Variants in PCDHA4 observed in about 807,000 individuals in gnomAD.
The protein encoded by PCDHA4 is protocadherin alpha-4.
Under a neutral mutation model 61.4 loss-of-function variants are expected in PCDHA4, and 49 were observed. That is an observed-to-expected ratio of 0.80 (90% confidence interval 0.63 to 1.01). The LOEUF (loss-of-function observed/expected upper bound fraction) is 1.01. PCDHA4 is among the 50% of genes least tolerant of loss of function. The pLI, the probability that PCDHA4 is intolerant of heterozygous loss-of-function variation, is 0.00. For missense variants in PCDHA4, 1,254 were observed against 1,235.8 expected (o/e 1.01, Z -0.22); for synonymous variants, 590 against 550.3 (o/e 1.07, Z -1.01).
intron 1 of PCDHA4, among the ~76,000 whole-genome samples, chr5:140,977,960 A>G (rs760810328): frequency 9.2e-5 from 14 of 152,142 alleles, no homozygotes; most frequent in Non-Finnish European, 1.3e-4. Flanking sequence ...GGCCACCTCA[A>G]TCTCCGCCCA....
chr5:140,829,869 A>T (rs2150176630), intron 1 of PCDHA4: 1 of 1,613,902 alleles, frequency 6.2e-7, no homozygotes, highest in South Asian at 1.1e-5. Flanking sequence ...GTGGTGGCGA[A>T]GGTGCGCGCA....
chr5:140,926,757 A>T, intron 1 of PCDHA4: 1 of 1,278,278 alleles, frequency 7.8e-7, no homozygotes, highest in Non-Finnish European at 1.0e-6. Flanking sequence ...GCGGTCGCTG[A>T]GTATCCAGCC....
chr5:140,973,894 G>A (rs1161980569), intron 1 of PCDHA4, among the ~76,000 whole-genome samples: 1 of 152,194 alleles, frequency 6.6e-6, no homozygotes, highest in African/African-American at 2.4e-5. Flanking sequence ...ATTTGCAAAT[G>A]TTTGAGGAAA....
intron 1 of PCDHA4, chr5:140,834,892 A>G (rs2150228741): frequency 1.2e-6 from 2 of 1,604,044 alleles, no homozygotes; most frequent in African/African-American, 2.7e-5. Flanking sequence ...CTGCTCACTT[A>G]CAGACTGAGC....
chr5:141,002,973 G>A (rs1313247449), intron 3 of PCDHA4, among the ~76,000 whole-genome samples: 2 of 152,216 alleles, frequency 1.3e-5, no homozygotes, highest in African/African-American at 2.4e-5. Flanking sequence ...CCTGAAAATA[G>A]TATCCTTGGT....
chr5:140,842,929 C>A lies in PCDHA4; in HGVS notation c.2385+33357C>A, dbSNP rs2150347942. 3.8e-6 allele frequency: 6 copies of A among 1,594,270 alleles called. 1 individual carries two copies. The highest frequency in any genetic ancestry group is 5.1e-6 in the Non-Finnish European group (6 of 1,165,428). On this transcript the variant is annotated intron_variant, in intron 1 of 3. Coordinates refer to ENST00000530339, the MANE Select transcript of PCDHA4 (RefSeq NM_018907.4). ...TAGAGCTGCTGCAGTTCCAGGTGAGCGCGCGCGACGCGGGCGTGCCGCCTC... is the reference window on the plus strand; with the variant it reads ...TAGAGCTGCTGCAGTTCCAGGTGAGAGCGCGCGACGCGGGCGTGCCGCCTC...
At position 140,835,853 on chromosome 5, in the gene PCDHA4, G is replaced by A. The variant is rs2150246654; in HGVS notation, c.2385+26281G>A. 3.1e-6 allele frequency: 5 copies of A among 1,612,274 alleles called. No individual in the cohort carries two copies. The Admixed American group carries it at 8.3e-5, about 27-fold the overall frequency. On this transcript the variant is annotated intron_variant, in intron 1 of 3. Transcript: ENST00000530339. ...CGGACGCGCAGAAGAACGCGCTGGT[G>A]TCCTACTCGCTGGTGGAGCTGCGGG...
intron 1 of PCDHA4, among the ~76,000 whole-genome samples, chr5:140,941,255 CTCTT>C (rs1554214207): frequency 2.2e-4 from 10 of 44,514 alleles, no homozygotes; most frequent in East Asian, 7.5e-4. Flanking sequence ...TTCTTTCTTT[CTCTT>C]TCTTTCTTTC....
chr5:140,852,300 C>T (rs1056866634), intron 1 of PCDHA4: 15 of 446,010 alleles, frequency 3.4e-5, no homozygotes, highest in East Asian at 3.0e-4. Context: ...TTTTCTGAGA[C>T]GGAGTCGTTT....
At chr5:140,927,575 A>G (rs782237037) in intron 1 of PCDHA4, 1 of 1,614,202 alleles carries the variant, frequency 6.2e-7, no homozygotes, top group South Asian at 1.1e-5. Context: ...GACACAAATG[A>G]CAACGCGCCT....
intron 1 of PCDHA4, chr5:140,863,200 GC>G: frequency 1.1e-6 from 1 of 918,418 alleles, no homozygotes. Context: ...GGCGTCGCTG[GC>G]GGAGAGCAGC....
chr5:140,973,481 G>A (rs537904841), intron 1 of PCDHA4, among the ~76,000 whole-genome samples: 2 of 152,208 alleles, frequency 1.3e-5, no homozygotes, highest in East Asian at 3.9e-4. Context: ...ATTTCATATT[G>A]GTCACAGGAC....
intron 1 of PCDHA4, chr5:140,831,207 A>G (rs1426566077): frequency 6.6e-6 from 1 of 152,222 alleles, no homozygotes; most frequent in Non-Finnish European, 1.5e-5. Context: ...GATCAAGTAA[A>G]TTTATATGAA....
intron 1 of PCDHA4, chr5:140,862,812 C>G (rs782335970): frequency 1.7e-6 from 1 of 572,078 alleles, no homozygotes; most frequent in Non-Finnish European, 3.4e-6. Context: ...TGCTGCAGTT[C>G]TAGGTGAGAG....
intron 1 of PCDHA4, among the ~76,000 whole-genome samples, chr5:140,894,207 A>G (rs962841413): frequency 3.9e-5 from 6 of 152,012 alleles, no homozygotes; most frequent in African/African-American, 1.4e-4. Flanking sequence ...ATGCTATTAT[A>G]TTCTCATTTT....
At chr5:140,979,525 T>A (rs1347519268) in intron 2 of PCDHA4, among the ~76,000 whole-genome samples, 1 of 152,244 alleles carries the variant, frequency 6.6e-6, no homozygotes, top group Non-Finnish European at 1.5e-5. Flanking sequence ...TGTTGCTATC[T>A]TATTGTCATC....
At chr5:140,939,411 AT>A (rs797027145) in intron 1 of PCDHA4, among the ~76,000 whole-genome samples, 1 of 152,050 alleles carries the variant, frequency 6.6e-6, no homozygotes, top group East Asian at 1.9e-4. Context: ...GTAAATCAGC[AT>A]TTTTTTCTTC....
At chr5:140,853,355 C>G (rs1554146557) in intron 1 of PCDHA4, 1 of 981,160 alleles carries the variant, frequency 1.0e-6, no homozygotes, top group African/African-American at 1.8e-5. Context: ...CATGAACTCA[C>G]AGGGATCCAG....
chr5:140,820,206 A>G (rs2150106272), intron 1 of PCDHA4, among the ~76,000 whole-genome samples: 45 of 152,132 alleles, frequency 3.0e-4, no homozygotes, highest in Middle Eastern at 6.8e-3. Flanking sequence ...TCAACGATCC[A>G]AATATTAGTG....
Sources: gnomAD v4.1 joint callset for allele counts (sites outside exome capture counted in the v4.1 genomes callset) on GRCh38, gnomAD v4.1.1 for gene constraint, MANE v1.5 for transcripts, NCBI Gene and HGNC (gene_info 2026-07-23, HGNC 2026-07-21) for gene names.